CYP3A43: variants seen among roughly 807,000 people sequenced by gnomAD.
CYP3A43 encodes cytochrome P450 3A43.
CYP3A43 carries 45 observed loss-of-function variants against 58.0 expected under a neutral mutation model. The ratio of observed to expected loss-of-function variants is 0.78; its 90% CI spans 0.61 to 0.99. CYP3A43 has a LOEUF of 0.99. Ranked by LOEUF, CYP3A43 falls within the 50% of genes least tolerant of loss-of-function variation. CYP3A43 has a pLI of 0.00. For missense variants in CYP3A43, 593 were observed against 591.9 expected (o/e 1.00, Z -0.02); for synonymous variants, 191 against 201.4 (o/e 0.95, Z 0.44).
Position 99,856,820 on chromosome 7 carries a change from T to C in CYP3A43, c.799-13T>C. On this transcript the variant is annotated splice_polypyrimidine_tract_variant and intron_variant, in intron 8 of 12. Coordinates refer to ENST00000354829, the MANE Select transcript of CYP3A43 (RefSeq NM_057095.3). ...TGACTTTCTGTCATTAAAATTTCTC[T>C]TTTTGCTTCCAGCATCGAGTAGATT... 1 of 1,613,906 alleles carries C rather than the reference T, an allele frequency of 6.2e-7. No homozygotes were observed. The highest frequency in any genetic ancestry group is 1.1e-5 in the South Asian group (1 of 90,996).
intron 1 of CYP3A43, among the ~76,000 whole-genome samples, chr7:99,835,710 T>C (rs942647485): frequency 9.2e-5 from 14 of 152,238 alleles, no homozygotes; most frequent in South Asian, 2.1e-4. Context: ...GTTTTGACTA[T>C]GGTATTCCTT....
chr7:99,861,849 C>T lies in CYP3A43; in HGVS notation c.1253+10C>T. 6.3e-7 allele frequency: 1 copy of T among 1,595,978 alleles called. No individual in the cohort carries two copies. The highest frequency in any genetic ancestry group is 8.6e-7 in the Non-Finnish European group (1 of 1,165,674). On this transcript the variant is annotated intron_variant, in intron 11 of 12. Transcript: ENST00000354829. ...AGTTCTGCCCTGAAAGGTACAAGGCCCCTGGGAAAGGAGCCTTCCCTCAAC... is the reference window on the plus strand; with the variant it reads ...AGTTCTGCCCTGAAAGGTACAAGGCTCCTGGGAAAGGAGCCTTCCCTCAAC...
At chr7:99,864,894 T>G (rs528074077) in intron 12 of CYP3A43, among the ~76,000 whole-genome samples, 4 of 148,830 alleles carry the variant, frequency 2.7e-5, no homozygotes, top group Non-Finnish European at 5.9e-5. Flanking sequence ...AGATATGGAA[T>G]CTTTCTCTGA....
In CYP3A43 at chr7:99,849,530, G is replaced by A. The variant is rs1352241921; in HGVS notation, c.522-16G>A. 1.9e-6 allele frequency: 3 copies of A among 1,581,004 alleles called. No individual in the cohort carries two copies. The highest frequency in any genetic ancestry group is 2.6e-6 in the Non-Finnish European group (3 of 1,170,770). ...AGAGGTGCTGGTTTTAATTTTCCAT[G>A]TTTTACTCTACTCAGTTTCTTTGGG... On this transcript the variant is annotated splice_polypyrimidine_tract_variant and intron_variant, in intron 6 of 12. Transcript: ENST00000354829.
intron 2 of CYP3A43, 137 bp downstream of exon 2, chr7:99,836,683 G>C: frequency 3.1e-6 from 2 of 642,706 alleles, no homozygotes; most frequent in Non-Finnish European, 5.2e-6. Flanking sequence ...GCTCCACCCA[G>C]AGCAGGGCCA....
chr7:99,828,595 A>T (rs1237005982), intron 1 of CYP3A43, among the ~76,000 whole-genome samples: 1 of 152,118 alleles, frequency 6.6e-6, no homozygotes, highest in Non-Finnish European at 1.5e-5. Context: ...CAGGAGGCAG[A>T]GGTTTCAGTG....
At chr7:99,860,636 G>GGT (rs1818191362) in intron 10 of CYP3A43, among the ~76,000 whole-genome samples, 1 of 152,204 alleles carries the variant, frequency 6.6e-6, no homozygotes. Flanking sequence ...TTGGCAGTGA[G>GGT]GTGAACACAA....
At chr7:99,860,131 G>A in intron 10 of CYP3A43, 141 bp downstream of exon 10, 1 of 1,082,858 alleles carries the variant, frequency 9.2e-7, no homozygotes, top group Non-Finnish European at 1.3e-6. Context: ...GCTGTAAAGA[G>A]TAAAAACAAA....
chr7:99,842,871 T>C (rs1817389596), intron 3 of CYP3A43, among the ~76,000 whole-genome samples: 1 of 152,184 alleles, frequency 6.6e-6, no homozygotes, highest in Non-Finnish European at 1.5e-5. Flanking sequence ...TCTTTTAGTA[T>C]ACATATCCTC....
Position 99,844,201 on chromosome 7 carries a change from G to T in CYP3A43, c.277G>T (p.Val93Leu). 4 of 1,614,056 alleles carry T rather than the reference G, an allele frequency of 2.5e-6. No individual in the cohort carries two copies. The highest frequency in any genetic ancestry group is 3.4e-6 in the Non-Finnish European group (4 of 1,179,986). Residue 93 changes from valine (V) to leucine (L), a missense_variant, in exon 4 of 13, where the codon GTG (valine) becomes TTG (leucine). Coordinates refer to ENST00000354829, the MANE Select transcript of CYP3A43 (RefSeq NM_057095.3). ...CATGGATCCCGACATGATCAAAACA[G>T]TGTTAGTGAAAGAATGTTACTCTGT... ...VIMDPDMIKTVLVKECYSVFT... is the reference protein window; with the variant it reads ...VIMDPDMIKTLLVKECYSVFT...
chr7:99,861,074 A>G (rs1179450571), intron 10 of CYP3A43, among the ~76,000 whole-genome samples: 1 of 152,126 alleles, frequency 6.6e-6, no homozygotes, highest in African/African-American at 2.4e-5. Flanking sequence ...GGGTTTCACC[A>G]TGTTGGCCAG....
chr7:99,861,634 C>T lies in CYP3A43; in HGVS notation c.1048C>T (p.Leu350=), dbSNP rs372529616. 29 of 1,614,120 alleles carry T rather than the reference C, an allele frequency of 1.8e-5. No homozygotes were observed. The African/African-American group carries it at 2.3e-4, about 13-fold the overall frequency. The change falls in exon 11 of 13, where the codon CTG becomes TTG. Residue 350 remains leucine (L), a synonymous_variant. Coordinates refer to ENST00000354829, the MANE Select transcript of CYP3A43 (RefSeq NM_057095.3). ...PNKAPVTYDA[L]VQMEYLDMVV... ...CCAGGCACCTGTCACCTACGATGCC[C>T]TGGTACAGATGGAGTACCTTGACAT...
chr7:99,836,150 G>A (rs146348742), intron 1 of CYP3A43, among the ~76,000 whole-genome samples: 68 of 152,296 alleles, frequency 4.5e-4, no homozygotes, highest in African/African-American at 1.6e-3. Flanking sequence ...GCAGGAAGCA[G>A]AGTCAGGAGC....
chr7:99,839,148 A>G lies in CYP3A43; in HGVS notation c.194A>G (p.Asn65Ser), dbSNP rs1470176121. 4 of 1,614,170 alleles carry G rather than the reference A, an allele frequency of 2.5e-6. No homozygotes were observed. Among genetic ancestry groups the G allele is most frequent in the Non-Finnish European group, 3.4e-6 (4 of 1,180,010 alleles). The change falls in exon 3 of 13, where the codon AAT becomes AGT. Residue 65 changes from asparagine (N) to serine (S), a missense_variant. Coordinates refer to ENST00000354829, the MANE Select transcript of CYP3A43 (RefSeq NM_057095.3). Reference sequence around the variant, plus strand: ...CTTTGGAATTTTGACAGAGAATGTAATGAAAAATACGGAGAAATGTGGGGG... The same window carrying G: ...CTTTGGAATTTTGACAGAGAATGTAGTGAAAAATACGGAGAAATGTGGGGG... ...RGLWNFDRECNEKYGEMWGLY... is the reference protein window; with the variant it reads ...RGLWNFDRECSEKYGEMWGLY...
At chr7:99,851,845 C>T (rs1010278699) in intron 7 of CYP3A43, among the ~76,000 whole-genome samples, 5 of 152,014 alleles carry the variant, frequency 3.3e-5, no homozygotes, top group African/African-American at 1.2e-4. Flanking sequence ...TATTGCTTAT[C>T]CTGTAGGTAT....
chr7:99,848,368 T>C (rs1817620197), intron 6 of CYP3A43, 114 bp downstream of exon 6: 13 of 1,133,308 alleles, frequency 1.1e-5, no homozygotes, highest in Non-Finnish European at 1.7e-5. Flanking sequence ...AGCAGGGCTG[T>C]GGTGTTGCAA....
Position 99,863,790 on chromosome 7 carries a change from A to G in CYP3A43, c.1416+91A>G, listed in dbSNP as rs1396255304. The G allele has an allele frequency of 8.9e-6, 10 of 1,118,356 alleles. No individual in the cohort carries two copies. The East Asian group carries it at 2.1e-4, about 23-fold the overall frequency. The allele number at this position is 1,118,356 out of a possible 1,614,324, so 69.3% of individuals were successfully genotyped here. A position where few individuals can be genotyped will look rare whatever the true frequency, so the allele number is the denominator to read the frequency against. On this transcript the variant is annotated intron_variant, in intron 12 of 12. Transcript: ENST00000354829. ...TAAAAATTATTGTTCATTTTTCAAT[A>G]ATTTGCTCTGTAGGACAAAGAATCT...
chr7:99,835,447 G>A (rs913200263), intron 1 of CYP3A43, among the ~76,000 whole-genome samples: 2 of 152,182 alleles, frequency 1.3e-5, no homozygotes, highest in African/African-American at 4.8e-5. Flanking sequence ...CGGTATGGTA[G>A]GCATCAAAAT....
At chr7:99,841,997 C>T (rs1817352259) in intron 3 of CYP3A43, among the ~76,000 whole-genome samples, 2 of 152,296 alleles carry the variant, frequency 1.3e-5, no homozygotes, top group Middle Eastern at 6.8e-3. Context: ...ATTAGAAATT[C>T]TAATTGTCAA....
Sources: gnomAD v4.1 joint callset for allele counts (sites outside exome capture counted in the v4.1 genomes callset) on GRCh38, gnomAD v4.1.1 for gene constraint, MANE v1.5 for transcripts, NCBI Gene and HGNC (gene_info 2026-07-23, HGNC 2026-07-21) for gene names.